PLSCR4: variants seen among roughly 807,000 people sequenced by gnomAD.
PLSCR4 encodes the protein phospholipid scramblase 4, also known as Ca(2+)-dependent phospholipid scramblase 4.
PLSCR4 carries 25 observed loss-of-function variants against 36.3 expected under a neutral mutation model. The observed-to-expected ratio is 0.69, with a 90% CI of 0.50 to 0.96. The LOEUF is 0.96. PLSCR4 is among the 40% of genes least tolerant of loss of function. The pLI is 0.00. For missense variants in PLSCR4, 408 were observed against 414.7 expected (o/e 0.98, Z 0.14); for synonymous variants, 122 against 132.9 (o/e 0.92, Z 0.56).
At chr3:146,198,555 C>T (rs910873985) in intron 6 of PLSCR4, among the ~76,000 whole-genome samples, 1 of 151,990 alleles carries the variant, frequency 6.6e-6, no homozygotes, top group Non-Finnish European at 1.5e-5. Flanking sequence ...CACACATCAC[C>T]AGGCCTGGCT....
chr3:146,230,718 G>A (rs551290345), intron 1 of PLSCR4, among the ~76,000 whole-genome samples: 5 of 152,254 alleles, frequency 3.3e-5, no homozygotes, highest in South Asian at 2.1e-4. Context: ...AAGAAAATTC[G>A]CAGCAGTAAA....
intron 1 of PLSCR4, among the ~76,000 whole-genome samples, chr3:146,225,351 G>A (rs1242121403): frequency 2.0e-5 from 3 of 152,234 alleles, no homozygotes; most frequent in African/African-American, 7.2e-5. Context: ...ACCAGACTCA[G>A]GAGCACAGCT....
chr3:146,196,763 T>C lies in PLSCR4; in HGVS notation c.655A>G (p.Ile219Val), dbSNP rs1006074975. The change falls in exon 7 of 9, where the codon ATT becomes GTT. Residue 219 changes from isoleucine to valine, a missense_variant. By Grantham distance (29) the Ile-to-Val change is conservative. Coordinates refer to ENST00000354952, the MANE Select transcript of PLSCR4 (RefSeq NM_020353.3). Reference protein sequence around the residue: ...LEVQCPPGVTIGFVAEHWNLC... With the variant: ...LEVQCPPGVTVGFVAEHWNLC... Reference sequence around the variant, plus strand: ...TTCCAATGTTCCGCAACAAAGCCAATGGTGACACCAGGAGGACACTGCACC... The same window carrying C: ...TTCCAATGTTCCGCAACAAAGCCAACGGTGACACCAGGAGGACACTGCACC... 2.5e-6 allele frequency: 4 copies of C among 1,613,800 alleles called. No individual in the cohort carries two copies. In the African/African-American group the frequency reaches 5.3e-5, roughly 22 times the overall value.
intron 4 of PLSCR4, 56 bp from the exon 5 acceptor site, chr3:146,201,133 C>A: frequency 9.5e-7 from 1 of 1,057,374 alleles, no homozygotes; most frequent in South Asian, 1.7e-5. Context: ...TAAAATACCA[C>A]TGTAAAATAA....
At chr3:146,231,016 T>G (rs1213227871) in intron 1 of PLSCR4, among the ~76,000 whole-genome samples, 1 of 152,122 alleles carries the variant, frequency 6.6e-6, no homozygotes, top group Admixed American at 6.5e-5. Context: ...CTTACCCTCC[T>G]CCCACCTTCT....
At chr3:146,200,118 G>C (rs2033968145) in intron 5 of PLSCR4, 79 bp from the exon 6 acceptor site, 1 of 819,510 alleles carries the variant, frequency 1.2e-6, no homozygotes, top group African/African-American at 1.7e-5. Context: ...TATTTCTTAA[G>C]GGCTTAAAGC....
chr3:146,235,096 A>AT (rs71158227), intron 1 of PLSCR4, among the ~76,000 whole-genome samples: 5,524 of 152,280 alleles, frequency 0.036, 151 homozygotes, highest in South Asian at 0.072. Flanking sequence ...ATATAGAATT[A>AT]TAGTTCAGAA....
intron 3 of PLSCR4, among the ~76,000 whole-genome samples, chr3:146,207,122 TTAATTACTAACGTA>T (rs1224322295): frequency 1.3e-5 from 2 of 152,278 alleles, no homozygotes; most frequent in Non-Finnish European, 2.9e-5. Context: ...TACTAACGTA[TTAATTACTAACGTA>T]TAATTACTAA....
At chr3:146,198,361 A>G (rs75080728) in intron 6 of PLSCR4, among the ~76,000 whole-genome samples, 7,807 of 152,202 alleles carry the variant, frequency 0.051, 612 homozygotes, top group African/African-American at 0.17. Context: ...AGAAAAACCT[A>G]GGTAAAGTTA....
intron 1 of PLSCR4, among the ~76,000 whole-genome samples, chr3:146,225,436 C>T (rs981405653): frequency 4.6e-5 from 7 of 152,160 alleles, no homozygotes; most frequent in African/African-American, 1.7e-4. Flanking sequence ...CGCTTGCACT[C>T]CTCAGCCCTT....
chr3:146,208,553 A>T (rs2034457639), intron 3 of PLSCR4, among the ~76,000 whole-genome samples: 2 of 152,162 alleles, frequency 1.3e-5, no homozygotes, highest in Admixed American at 1.3e-4. Context: ...TAACGAACTC[A>T]AACAAATTAG....
At chr3:146,230,197 A>G (rs954208685) in intron 1 of PLSCR4, among the ~76,000 whole-genome samples, 2 of 147,370 alleles carry the variant, frequency 1.4e-5, no homozygotes, top group Non-Finnish European at 2.9e-5. Context: ...TTGCTAAAAA[A>G]TAATAATAAT....
intron 4 of PLSCR4, among the ~76,000 whole-genome samples, chr3:146,205,319 A>C (rs1197071602): frequency 6.6e-6 from 1 of 151,936 alleles, no homozygotes; most frequent in Non-Finnish European, 1.5e-5. Context: ...ACTATGCACA[A>C]ATTTTTCTTT....
intron 1 of PLSCR4, among the ~76,000 whole-genome samples, chr3:146,235,150 A>T (rs1003538209): frequency 2.0e-5 from 3 of 152,208 alleles, no homozygotes; most frequent in Non-Finnish European, 2.9e-5. Flanking sequence ...GAAAATCCAA[A>T]GATGATGATA....
At chr3:146,211,061 G>GAC (rs997555007) in intron 3 of PLSCR4, among the ~76,000 whole-genome samples, 12 of 126,400 alleles carry the variant, frequency 9.5e-5, no homozygotes, top group African/African-American at 3.3e-4. Context: ...TTTTAGTGTG[G>GAC]ACATGTTTTC....
At chr3:146,229,769 C>T (rs111958662) in intron 1 of PLSCR4, among the ~76,000 whole-genome samples, 52 of 151,868 alleles carry the variant, frequency 3.4e-4, no homozygotes, top group African/African-American at 1.0e-3. Flanking sequence ...GAACTACAGG[C>T]GCCCGCCACC....
At chr3:146,213,263 T>C (rs529343886) in intron 3 of PLSCR4, among the ~76,000 whole-genome samples, 14 of 152,202 alleles carry the variant, frequency 9.2e-5, no homozygotes, top group African/African-American at 3.1e-4. Flanking sequence ...AATTCATTCT[T>C]CTTTCATTTC....
intron 1 of PLSCR4, among the ~76,000 whole-genome samples, chr3:146,241,008 G>A (rs996894086): frequency 6.6e-6 from 1 of 151,996 alleles, no homozygotes; most frequent in African/African-American, 2.4e-5. Context: ...GCCATACAAA[G>A]TAATTTTGTA....
intron 1 of PLSCR4, chr3:146,223,610 T>G (rs527320541): frequency 6.6e-6 from 1 of 152,086 alleles, no homozygotes; most frequent in East Asian, 1.9e-4. Flanking sequence ...GTCATCAATA[T>G]GGACACTGAG....
Sources: allele counts gnomAD v4.1 joint callset (sites outside exome capture counted in the v4.1 genomes callset), GRCh38; gene constraint gnomAD v4.1.1; transcripts MANE v1.5; gene names NCBI Gene and HGNC (gene_info 2026-07-23, HGNC 2026-07-21).